Variants in SLC37A3 observed in about 807,000 individuals in gnomAD.
The protein encoded by SLC37A3 is solute carrier family 37 member 3, also known as sugar phosphate exchanger 3.
Under a neutral mutation model 67.1 loss-of-function variants are expected in SLC37A3, and 51 were observed. The ratio of observed to expected loss-of-function variants is 0.76; its 90% confidence interval spans 0.61 to 0.96. The LOEUF is 0.96. Ranked by LOEUF, SLC37A3 falls within the 40% of genes least tolerant of loss-of-function variation. The pLI, the probability that SLC37A3 is intolerant of heterozygous loss-of-function variation, is 0.00. For synonymous variants in SLC37A3, 214 were observed against 231.4 expected, an observed-to-expected ratio of 0.92 and a Z score of 0.68; for missense variants, 508 against 603.0, an observed-to-expected ratio of 0.84 and a Z score of 1.65.
In SLC37A3 at chr7:140,358,745, T is replaced by C; in HGVS notation, c.416A>G (p.Tyr139Cys). 1.9e-6 allele frequency: 3 copies of C among 1,614,096 alleles called. No individual in the cohort carries two copies. The highest frequency in any genetic ancestry group is 2.2e-5 in the East Asian group (1 of 44,876). ...CAGGCAGCAGTACAGCCATTTGTTG[T>C]AGAAACGCAGCCATTCTGTGAGCGC... is the stretch of plus-strand genomic sequence containing the variant. ...FGALTEWLRF[Y>C]NKWLYCCLWI... Residue 139 changes from tyrosine (Y) to cysteine (C), a missense_variant, in exon 6 of 15, where the codon TAC becomes TGC. Physicochemically the swap from Tyr to Cys is radical, Grantham distance 194. Coordinates refer to ENST00000326232, the MANE Select transcript of SLC37A3 (RefSeq NM_207113.3).
chr7:140,357,037 AC>A (rs1797057244), intron 6 of SLC37A3, among the ~76,000 whole-genome samples: 1 of 151,782 alleles, frequency 6.6e-6, no homozygotes, highest in African/African-American at 2.4e-5. Context: ...ACATGGAGAA[AC>A]CCCATCTCCA....
At chr7:140,390,292 G>A (rs1798673844) in intron 1 of SLC37A3, among the ~76,000 whole-genome samples, 1 of 151,834 alleles carries the variant, frequency 6.6e-6, no homozygotes, top group African/African-American at 2.4e-5. Flanking sequence ...CATGCTCTCT[G>A]GAAACAGAGA....
chr7:140,382,695 TG>T, intron 1 of SLC37A3, 99 bp from the exon 2 acceptor site: 1 of 535,440 alleles, frequency 1.9e-6, no homozygotes, highest in East Asian at 3.0e-5. Flanking sequence ...TCAGGCCTTG[TG>T]GGAAAAAAAT....
rs898499057 is a variant in SLC37A3, at chr7:140,364,468, A to G, written c.315T>C (p.Val105=). 2 of 1,614,062 alleles carry G rather than the reference A, an allele frequency of 1.2e-6. No homozygotes were observed. The highest frequency in any genetic ancestry group is 1.7e-6 in the Non-Finnish European group (2 of 1,180,014). The change falls in exon 5 of 15, where the codon GTT becomes GTC. Residue 105 remains valine (V), a synonymous_variant. Coordinates refer to ENST00000326232, the MANE Select transcript of SLC37A3 (RefSeq NM_207113.3). The stretch of plus-strand genomic sequence containing the variant: ...CCCATCGCAAATTCAACCGATCCCC[A>G]ACGATGCCACTGATGAATAGGCCCT... ...YAVGLFISGI[V]GDRLNLRWVL...
At position 140,345,196 on chromosome 7, in the gene SLC37A3, A is replaced by C; in HGVS notation, c.1174+20T>G. On this transcript the variant is annotated intron_variant, in intron 12 of 14. Coordinates refer to ENST00000326232, the MANE Select transcript of SLC37A3 (RefSeq NM_207113.3). ...TTACAGAGCAACAGAAGCATGGTGG[A>C]GCAGAGCCATGTGCCGTACCTGTAA... 2 of 1,608,180 alleles carry C rather than the reference A, an allele frequency of 1.2e-6. No homozygotes were observed. The highest frequency in any genetic ancestry group is 8.5e-7 in the Non-Finnish European group (1 of 1,175,030).
At chr7:140,355,544 G>A in intron 7 of SLC37A3, 124 bp downstream of exon 7, 1 of 876,408 alleles carries the variant, frequency 1.1e-6, no homozygotes, top group Non-Finnish European at 1.8e-6. Context: ...TACAAGCCTT[G>A]CCCTATCCAG....
At chr7:140,378,980 G>A (rs543084882) in intron 3 of SLC37A3, among the ~76,000 whole-genome samples, 90 of 152,194 alleles carry the variant, frequency 5.9e-4, no homozygotes, top group African/African-American at 2.1e-3. Context: ...CCAGGAGGTG[G>A]AGGTTGCAGT....
chr7:140,376,734 G>A (rs1443587497), intron 3 of SLC37A3, among the ~76,000 whole-genome samples: 1 of 152,136 alleles, frequency 6.6e-6, no homozygotes, highest in Non-Finnish European at 1.5e-5. Context: ...ACGTTTATGT[G>A]GGAATCTGCC....
Position 140,334,672 on chromosome 7 carries a change from G to A in SLC37A3, c.*740C>T. On this transcript the variant is annotated 3_prime_UTR_variant, in exon 15 of 15. Transcript: ENST00000326232. ...ACACGTCAGAATGTTCAAGATAACT[G>A]ATGTACCTTATGGTCCTTGAAAGGA... The A allele has an allele frequency of 6.4e-6, 1 of 155,782 alleles. No homozygotes were observed. The highest frequency in any genetic ancestry group is 2.4e-5 in the African/African-American group (1 of 41,454). 9.6% of individuals were successfully genotyped at this position (155,782 alleles called of 1,614,324 possible).
At chr7:140,345,284 A>G in intron 11 of SLC37A3, 21 bp from the exon 12 acceptor site, 1 of 1,611,516 alleles carries the variant, frequency 6.2e-7, no homozygotes, top group Non-Finnish European at 8.5e-7. Flanking sequence ...AGACACAGAC[A>G]AACCATGGTG....
chr7:140,362,944 GC>G (rs1248219229), intron 5 of SLC37A3, among the ~76,000 whole-genome samples: 14 of 64,652 alleles, frequency 2.2e-4, no homozygotes, highest in Non-Finnish European at 3.6e-4. Context: ...GAGGGAGGTG[GC>G]GGGGTCAGCC....
At chr7:140,358,824 C>A (rs1191901167) in intron 5 of SLC37A3, 39 bp from the exon 6 acceptor site, 14 of 1,612,002 alleles carry the variant, frequency 8.7e-6, no homozygotes, top group Non-Finnish European at 1.2e-5. Context: ...GTAACAGCCA[C>A]ACTGACACTT....
chr7:140,344,502 T>A (rs1251437867), intron 12 of SLC37A3, among the ~76,000 whole-genome samples: 1 of 151,906 alleles, frequency 6.6e-6, no homozygotes, highest in African/African-American at 2.4e-5. Context: ...ACGCCTGTAA[T>A]CCCAGCATTT....
At chr7:140,360,893 C>A (rs1345641239) in intron 5 of SLC37A3, among the ~76,000 whole-genome samples, 1 of 151,918 alleles carries the variant, frequency 6.6e-6, no homozygotes, top group Non-Finnish European at 1.5e-5. Context: ...GCTAGAAAAC[C>A]ACAGAAGACA....
intron 1 of SLC37A3, among the ~76,000 whole-genome samples, chr7:140,395,434 G>A (rs543309017): frequency 2.0e-4 from 29 of 147,800 alleles, no homozygotes; most frequent in Admixed American, 1.9e-3. Flanking sequence ...TAGGCTGGGT[G>A]CGGTGGCTCA....
Position 140,355,715 on chromosome 7 carries a change from T to C in SLC37A3, c.571A>G (p.Ile191Val). The C allele has an allele frequency of 1.2e-6, 2 of 1,613,736 alleles. No individual in the cohort carries two copies. Among genetic ancestry groups the C allele is most frequent in the Non-Finnish European group, 1.7e-6 (2 of 1,179,908 alleles). Residue 191 changes from isoleucine (I) to valine (V), a missense_variant, in exon 7 of 15, where the codon ATT becomes GTT. Physicochemically the swap from Ile to Val is conservative, Grantham distance 29. Transcript: ENST00000326232. The stretch of plus-strand genomic sequence containing the variant: ...GAAGAAGCTAGGCACGCTCCCAAAA[T>C]GTTGCCCACCGAAGCACAGGCACTC... ...LWSACASVGN[I>V]LGACLASSVL... is the part of the protein sequence containing the mutation.
At chr7:140,361,125 A>G (rs1374730420) in intron 5 of SLC37A3, among the ~76,000 whole-genome samples, 1 of 151,880 alleles carries the variant, frequency 6.6e-6, no homozygotes, top group East Asian at 1.9e-4. Context: ...TAGACTATGG[A>G]GAGCTGAAAA....
Position 140,352,069 on chromosome 7 carries a change from T to C in SLC37A3, c.696A>G (p.Glu232=). The part of the protein sequence containing the change: ...VIFFGLLVSP[E]EIGLSGIEAE... ...GGGGCGGCTTCTCCTCACCAATTTCTTCTGGTGACACCAGGAGTCCAAAGA... is the reference window on the plus strand; with the variant it reads ...GGGGCGGCTTCTCCTCACCAATTTCCTCTGGTGACACCAGGAGTCCAAAGA... The change falls in exon 8 of 15, where the codon GAA becomes GAG. Residue 232 remains glutamate, a synonymous_variant. Coordinates refer to ENST00000326232, the MANE Select transcript of SLC37A3 (RefSeq NM_207113.3). 19 of 1,611,600 alleles carry C rather than the reference T, an allele frequency of 1.2e-5. No individual in the cohort carries two copies. The highest frequency in any genetic ancestry group is 1.6e-5 in the Non-Finnish European group (19 of 1,179,094).
chr7:140,380,485 AT>A, intron 2 of SLC37A3, 95 bp from the exon 3 acceptor site: 1 of 840,736 alleles, frequency 1.2e-6, no homozygotes, highest in Non-Finnish European at 1.8e-6. Context: ...ATTCAATTTT[AT>A]TTTATTTTAT....
Sources: allele counts gnomAD v4.1 joint callset (sites outside exome capture counted in the v4.1 genomes callset), GRCh38; gene constraint gnomAD v4.1.1; transcripts MANE v1.5; gene names NCBI Gene and HGNC (gene_info 2026-07-23, HGNC 2026-07-21).